Variants in CRPPA observed in about 807,000 individuals in gnomAD.
The protein encoded by CRPPA is CDP-L-ribitol pyrophosphorylase A, also known as D-ribitol-5-phosphate cytidylyltransferase.
In CRPPA, 43 loss-of-function variants were observed where a neutral mutation model predicts 52.0. The ratio of observed to expected loss-of-function variants is 0.83; its 90% CI spans 0.65 to 1.07. CRPPA has a LOEUF of 1.07. Among genes scored for constraint, CRPPA ranks in the 50% least tolerant of loss-of-function variants. The pLI is 0.00. For synonymous variants in CRPPA, 250 were observed against 203.5 expected, an observed-to-expected ratio of 1.23 and a Z score of -1.94; for missense variants, 629 against 551.7, an observed-to-expected ratio of 1.14 and a Z score of -1.40.
intron 2 of CRPPA, among the ~76,000 whole-genome samples, chr7:16,382,579 C>A (rs1174160870): frequency 6.6e-6 from 1 of 151,962 alleles, no homozygotes; most frequent in African/African-American, 2.4e-5. Flanking sequence ...TAATATCCTG[C>A]AGAGTGTTTT....
At chr7:16,180,089 T>C (rs1365869858) in intron 9 of CRPPA, among the ~76,000 whole-genome samples, 1 of 152,146 alleles carries the variant, frequency 6.6e-6, no homozygotes, top group Non-Finnish European at 1.5e-5. Flanking sequence ...TGGTATGCTA[T>C]GATGATAATT....
At chr7:16,254,785 GAAAGAAGGAAA>G (rs1562588524) in intron 8 of CRPPA, among the ~76,000 whole-genome samples, 2 of 119,158 alleles carry the variant, frequency 1.7e-5, no homozygotes, top group African/African-American at 6.5e-5. Context: ...AAGAAAGAAA[GAAAGAAGGAAA>G]GAAAGAAAGA....
intron 8 of CRPPA, among the ~76,000 whole-genome samples, chr7:16,237,736 G>C (rs922006823): frequency 6.6e-6 from 1 of 152,338 alleles, no homozygotes; most frequent in South Asian, 2.1e-4. Context: ...ACTAGGCAGT[G>C]CTGCTTTATA....
At chr7:16,396,999 T>C (rs528302638) in intron 2 of CRPPA, among the ~76,000 whole-genome samples, 26 of 152,164 alleles carry the variant, frequency 1.7e-4, no homozygotes, top group Admixed American at 7.8e-4. Flanking sequence ...ATGACTGACA[T>C]GGAACTGACA....
chr7:16,137,709 G>T (rs1782788607), intron 9 of CRPPA, among the ~76,000 whole-genome samples: 1 of 152,010 alleles, frequency 6.6e-6, no homozygotes, highest in Non-Finnish European at 1.5e-5. Flanking sequence ...CTATATTTTA[G>T]TTTTTATTAG....
intron 8 of CRPPA, among the ~76,000 whole-genome samples, chr7:16,254,759 AAGAC>A (rs1424286491): frequency 1.4e-5 from 2 of 146,244 alleles, no homozygotes; most frequent in African/African-American, 2.5e-5. Flanking sequence ...GAAAGAAAGA[AAGAC>A]AGACACACAG....
At chr7:16,329,064 G>C (rs1373603393) in intron 3 of CRPPA, among the ~76,000 whole-genome samples, 1 of 152,044 alleles carries the variant, frequency 6.6e-6, no homozygotes, top group Non-Finnish European at 1.5e-5. Flanking sequence ...AATCTTACCA[G>C]GAAACTTATT....
chr7:16,257,979 G>C (rs1783688195), intron 8 of CRPPA, among the ~76,000 whole-genome samples: 1 of 151,992 alleles, frequency 6.6e-6, no homozygotes, highest in South Asian at 2.1e-4. Flanking sequence ...CAGAGAAAAT[G>C]AAACAACCCA....
rs1353105213 is a variant in CRPPA at position 16,283,502 on chromosome 7, T to A, written c.836-5276A>T. Among the ~76,000 whole-genome samples the A allele has an allele frequency of 2.1e-5, 3 of 145,050 alleles. No homozygotes were observed. The East Asian group carries it at 6.1e-4, about 30-fold the overall frequency. On this transcript the variant is annotated intron_variant, in intron 5 of 9. Coordinates refer to ENST00000407010, the MANE Select transcript of CRPPA (RefSeq NM_001101426.4). Reference sequence around the variant, plus strand: ...GTATAGATACGTAGATCTATATATATAAAAATGATACTATCTATGTGTATA... The same window carrying A: ...GTATAGATACGTAGATCTATATATAAAAAAATGATACTATCTATGTGTATA...
chr7:16,198,482 T>C lies in CRPPA; in HGVS notation c.1251+17584A>G, dbSNP rs1279116694. ...ACAATTGTCTTGTGACCCTGACACA[T>C]CCCCCTCTTTGAGAAACACCCACAG... is the stretch of plus-strand genomic sequence containing the variant. On this transcript the variant is annotated intron_variant, in intron 9 of 9. Coordinates refer to ENST00000407010, the MANE Select transcript of CRPPA (RefSeq NM_001101426.4). Among the ~76,000 whole-genome samples the C allele has an allele frequency of 4.3e-5, 5 of 115,798 alleles. No homozygotes were observed. In the Admixed American group the frequency reaches 4.6e-4, roughly 11 times the overall value. The allele number at this position is 115,798 out of a possible 152,430, so 76.0% of individuals were successfully genotyped here. A position where few individuals can be genotyped will look rare whatever the true frequency, so the allele number is the denominator to read the frequency against.
At chr7:16,277,736 T>C (rs527844362) in intron 6 of CRPPA, among the ~76,000 whole-genome samples, 17 of 152,200 alleles carry the variant, frequency 1.1e-4, no homozygotes, top group Non-Finnish European at 2.2e-4. Context: ...TTATTTCACC[T>C]TTTGTCATCA....
At chr7:16,111,859 A>G (rs1021779404) in intron 9 of CRPPA, among the ~76,000 whole-genome samples, 1 of 152,162 alleles carries the variant, frequency 6.6e-6, no homozygotes. Flanking sequence ...TGTGGTGAAT[A>G]TAGTTAATAA....
intron 2 of CRPPA, among the ~76,000 whole-genome samples, chr7:16,397,705 T>C (rs17617900): frequency 0.29 from 44,231 of 152,162 alleles, 6,630 homozygotes; most frequent in South Asian, 0.39. Flanking sequence ...TGATACATGA[T>C]TGACATGCGA....
intron 9 of CRPPA, among the ~76,000 whole-genome samples, chr7:16,177,395 T>C (rs1029681156): frequency 1.3e-5 from 2 of 152,178 alleles, no homozygotes; most frequent in Non-Finnish European, 2.9e-5. Context: ...ATTCAACTTT[T>C]TGTAAAACAG....
chr7:16,229,246 C>A (rs1424194477), intron 8 of CRPPA, among the ~76,000 whole-genome samples: 3 of 151,838 alleles, frequency 2.0e-5, no homozygotes, highest in Non-Finnish European at 4.4e-5. Flanking sequence ...TACTTTATGT[C>A]TTTTGATTGG....
chr7:16,368,513 T>C (rs1400032413), intron 3 of CRPPA, among the ~76,000 whole-genome samples: 5 of 152,206 alleles, frequency 3.3e-5, no homozygotes, highest in Admixed American at 2.0e-4. Context: ...AATCCAGACA[T>C]TGGCACTAGT....
chr7:16,414,108 A>G (rs896541288), intron 1 of CRPPA, among the ~76,000 whole-genome samples: 7 of 152,158 alleles, frequency 4.6e-5, no homozygotes, highest in African/African-American at 1.7e-4. Context: ...GCATGAAACC[A>G]TCTAAAGGAA....
intron 4 of CRPPA, among the ~76,000 whole-genome samples, chr7:16,307,641 C>T (rs1248165533): frequency 1.4e-5 from 2 of 147,926 alleles, no homozygotes; most frequent in South Asian, 2.2e-4. Flanking sequence ...CACCATTGCC[C>T]TCCAGCCTGG....
intron 3 of CRPPA, among the ~76,000 whole-genome samples, chr7:16,343,112 C>T (rs780046697): frequency 8.6e-5 from 13 of 151,808 alleles, no homozygotes; most frequent in South Asian, 2.1e-4. Context: ...TTACATTTTA[C>T]GGGGACTGAA....
Sources: allele counts gnomAD v4.1 joint callset (sites outside exome capture counted in the v4.1 genomes callset), GRCh38; gene constraint gnomAD v4.1.1; transcripts MANE v1.5; gene names NCBI Gene and HGNC (gene_info 2026-07-23, HGNC 2026-07-21).